DMKN: variants seen among roughly 807,000 people sequenced by gnomAD.
The protein encoded by DMKN is epidermis-specific secreted protein SK30/SK89.
In DMKN, 58 loss-of-function variants were observed where a neutral mutation model predicts 67.6. The observed-to-expected ratio is 0.86, with a 90% CI of 0.69 to 1.07. The LOEUF is 1.07. Ranked by LOEUF, DMKN falls within the 50% of genes least tolerant of loss-of-function variation. DMKN has a pLI of 0.00. For synonymous variants in DMKN, 240 were observed against 232.3 expected (o/e 1.03, Z -0.30); for missense variants, 596 against 601.5 (o/e 0.99, Z 0.10).
chr19:35,502,001 G>A (rs2145914449), intron 11 of DMKN, 135 bp downstream of exon 11: 17 of 1,551,622 alleles, frequency 1.1e-5, no homozygotes, highest in Middle Eastern at 1.7e-4. Flanking sequence ...CTCTCACCCC[G>A]CCCCCACTCG....
At chr19:35,503,380 G>A in intron 9 of DMKN, 1 of 1,551,416 alleles carries the variant, frequency 6.4e-7, no homozygotes, top group Non-Finnish European at 8.7e-7. Context: ...AGGAGGGAGT[G>A]TGGGGGCTCC....
In DMKN at chr19:35,512,456, A is replaced by G. The variant is rs776821777; in HGVS notation, c.649T>C (p.Tyr217His). The G allele has an allele frequency of 5.6e-6, 9 of 1,614,074 alleles. No homozygotes were observed. The highest frequency in any genetic ancestry group is 5.9e-6 in the Non-Finnish European group (7 of 1,180,018). The change falls in exon 3 of 16, where the codon TAT (tyrosine) becomes CAT (histidine). Residue 217 changes from tyrosine to histidine, a missense_variant. Coordinates refer to ENST00000339686, the MANE Select transcript of DMKN (RefSeq NM_033317.5). ...TGGTTGCTGGCTCTCACTGAACCAT[A>G]GCCAGGCTGGGCCACAGCTCCCTGC... Reference protein sequence around the residue: ...NTQGAVAQPGYGSVRASNQNE... With the variant: ...NTQGAVAQPGHGSVRASNQNE...
Position 35,500,098 on chromosome 19 carries a change from C to T in DMKN, c.1288-69G>A. ...GCCATTTTGCTCTGGAATAAACATC[C>T]CACCTTCCTGCCTGGACCAGACCTT... On this transcript the variant is annotated intron_variant, in intron 12 of 15. Transcript: ENST00000339686. 2.6e-6 allele frequency: 4 copies of T among 1,549,442 alleles called. No individual in the cohort carries two copies. In the Admixed American group the frequency reaches 6.7e-5, roughly 26 times the overall value.
intron 13 of DMKN, 53 bp from the exon 14 acceptor site, chr19:35,498,950 G>C (rs1226606624): frequency 1.2e-6 from 2 of 1,613,672 alleles, no homozygotes; most frequent in Admixed American, 3.3e-5. Context: ...CCTGTACTCT[G>C]CCATGGCCTC....
chr19:35,502,930 C>T, intron 9 of DMKN, 44 bp from the exon 10 acceptor site: 1 of 1,582,002 alleles, frequency 6.3e-7, no homozygotes, highest in Non-Finnish European at 8.6e-7. Flanking sequence ...GAGCCTGGGC[C>T]CACTCACCCA....
chr19:35,512,904 G>A, intron 1 of DMKN, 114 bp from the exon 2 acceptor site: 1 of 1,498,704 alleles, frequency 6.7e-7, no homozygotes. Flanking sequence ...CTCCAGGGTG[G>A]CATAGGAGGG....
rs1195640597 is a variant in DMKN at position 35,513,111 on chromosome 19, C to G, written c.365G>C (p.Arg122Pro). Reference protein sequence around the residue: ...EIGRQAEDVIRHGADAVRGSW... With the variant: ...EIGRQAEDVIPHGADAVRGSW... Reference sequence around the variant, plus strand: ...GCCGCGGACAGCATCTGCTCCGTGTCGAATGACATCTTCTGCCTGTCTGCC... The same window carrying G: ...GCCGCGGACAGCATCTGCTCCGTGTGGAATGACATCTTCTGCCTGTCTGCC... The change falls in exon 1 of 16, where the codon CGA (arginine) becomes CCA (proline). Residue 122 changes from arginine to proline, a missense_variant. By Grantham distance (103) the Arg-to-Pro change is moderately radical (BLOSUM62 -2). Coordinates refer to ENST00000339686, the MANE Select transcript of DMKN (RefSeq NM_033317.5). The G allele has an allele frequency of 1.2e-6, 2 of 1,614,148 alleles. No individual in the cohort carries two copies. Among genetic ancestry groups the G allele is most frequent in the Non-Finnish European group, 1.7e-6 (2 of 1,180,036 alleles).
At chr19:35,507,359 T>C (rs985739586) in intron 7 of DMKN, 4 of 1,238,560 alleles carry the variant, frequency 3.2e-6, no homozygotes, top group Non-Finnish European at 4.6e-6. Flanking sequence ...TCAGAGCAGC[T>C]TGCAAGAAGA....
rs767761128 is a variant in DMKN at position 35,506,044 on chromosome 19, G to A, written c.1039-58C>T. ...GAACCCACTTTGTGAGCCAGAGTCG[G>A]GAGATCTGAGTGGCAGGAGGGGAGG... On this transcript the variant is annotated intron_variant, in intron 7 of 15. Coordinates refer to ENST00000339686, the MANE Select transcript of DMKN (RefSeq NM_033317.5). 62 of 1,613,472 alleles carry A rather than the reference G, an allele frequency of 3.8e-5. 1 individual carries two copies. The South Asian group carries it at 6.6e-4, about 17-fold the overall frequency.
chr19:35,501,856 C>CAGCAGG (rs781495902), intron 11 of DMKN: 11 of 1,585,166 alleles, frequency 6.9e-6, no homozygotes, highest in South Asian at 2.3e-5. Flanking sequence ...AGGCCAGGCC[C>CAGCAGG]AGCAGGAGCA....
chr19:35,498,459 C>A lies in DMKN; in HGVS notation c.*257G>T, dbSNP rs936263017. On this transcript the variant is annotated intron_variant, in intron 15 of 15. Coordinates refer to ENST00000339686, the MANE Select transcript of DMKN (RefSeq NM_033317.5). ...CCCAGACTCAAGTGATCCTCCCACC[C>A]CAGCCTCCCAAAGCACAGAGATTAC... 58 of 553,918 alleles carry A rather than the reference C, an allele frequency of 1.0e-4. No individual in the cohort carries two copies. The Middle Eastern group carries it at 2.4e-3, about 23-fold the overall frequency. 34.3% of individuals were successfully genotyped at this position (553,918 alleles called of 1,614,324 possible).
chr19:35,498,801 G>C lies in DMKN; in HGVS notation c.1384-38C>G, dbSNP rs758531197. ...GAGAAAGTCTGAGTGGCCACCACAG[G>C]GTCCCTTCCATACCCTCTGGCCTCA... On this transcript the variant is annotated intron_variant, in intron 14 of 15. Coordinates refer to ENST00000339686, the MANE Select transcript of DMKN (RefSeq NM_033317.5). The C allele has an allele frequency of 7.4e-6, 12 of 1,614,128 alleles. No homozygotes were observed. In the South Asian group the frequency reaches 1.2e-4, roughly 16 times the overall value.
intron 11 of DMKN, 184 bp downstream of exon 11, chr19:35,501,952 G>A (rs1379642718): frequency 6.4e-6 from 10 of 1,553,828 alleles, no homozygotes; most frequent in Non-Finnish European, 8.7e-6. Flanking sequence ...TGCTAGGGAG[G>A]TCCTCCCACC....
intron 11 of DMKN, 128 bp from the exon 12 acceptor site, chr19:35,500,708 T>G: frequency 9.5e-7 from 1 of 1,049,568 alleles, no homozygotes; most frequent in South Asian, 1.7e-5. Flanking sequence ...GCAGTGAGCC[T>G]GGAGGAGCTG....
intron 11 of DMKN, among the ~76,000 whole-genome samples, chr19:35,501,226 AGAGT>A (rs1448594875): frequency 6.6e-6 from 1 of 152,146 alleles, no homozygotes; most frequent in Admixed American, 6.5e-5. Context: ...ACACACACAC[AGAGT>A]GACAGTGAAG....
chr19:35,510,957 T>C (rs780891221), intron 5 of DMKN, among the ~76,000 whole-genome samples: 68 of 152,176 alleles, frequency 4.5e-4, no homozygotes, highest in Non-Finnish European at 9.1e-4. Context: ...AGGGGCCCCA[T>C]GTGTGAATGT....
Position 35,513,548 on chromosome 19 carries a change from C to T in DMKN, c.-73G>A, listed in dbSNP as rs542006403. ...TCTCCTCCTTGCCGCCCTTGCTCTG[C>T]GTCTCTGTGCCCTCCTCTGTCCTCC... On this transcript the variant is annotated 5_prime_UTR_variant, in exon 1 of 16. Coordinates refer to ENST00000339686, the MANE Select transcript of DMKN (RefSeq NM_033317.5). 107 of 1,509,674 alleles carry T rather than the reference C, an allele frequency of 7.1e-5. No homozygotes were observed. In the African/African-American group the frequency reaches 1.2e-3, roughly 17 times the overall value. The allele number at this position is 1,509,674 out of a possible 1,614,324, so 93.5% of individuals were successfully genotyped here.
At chr19:35,502,010 C>T (rs2068482209) in intron 11 of DMKN, 126 bp downstream of exon 11, 9 of 1,568,630 alleles carry the variant, frequency 5.7e-6, no homozygotes, top group Non-Finnish European at 6.9e-6. Context: ...CGCCCCCACT[C>T]GGGATTGCAC....
In DMKN at chr19:35,513,385, T is replaced by G. The variant is rs2071114280; in HGVS notation, c.91A>C (p.Thr31Pro). 1 of 1,611,070 alleles carries G rather than the reference T, an allele frequency of 6.2e-7. No homozygotes were observed. The highest frequency in any genetic ancestry group is 1.3e-5 in the African/African-American group (1 of 74,934). The change falls in exon 1 of 16, where the codon ACT becomes CCT. Residue 31 changes from threonine (T) to proline (P), a missense_variant. Coordinates refer to ENST00000339686, the MANE Select transcript of DMKN (RefSeq NM_033317.5). ...AGGGCCTCCCCAATATTTGTCCCAGTGCTTTCCTCTCCGCTCTGCAGGGGG... is the reference window on the plus strand; with the variant it reads ...AGGGCCTCCCCAATATTTGTCCCAGGGCTTTCCTCTCCGCTCTGCAGGGGG... ...AGPLQSGEES[T>P]GTNIGEALGH...
Sources: allele counts gnomAD v4.1 joint callset (sites outside exome capture counted in the v4.1 genomes callset), GRCh38; gene constraint gnomAD v4.1.1; transcripts MANE v1.5; gene names NCBI Gene and HGNC (gene_info 2026-07-23, HGNC 2026-07-21).